The following STXBP5 variants were observed in gnomAD, a reference collection of about 807,000 sequenced individuals.
The protein encoded by STXBP5 is syntaxin binding protein 5, also known as syntaxin-binding protein 5.
In STXBP5, 50 loss-of-function variants were observed where a neutral mutation model predicts 152.4. The observed-to-expected ratio is 0.33, with a 90% confidence interval of 0.26 to 0.42. STXBP5 has a LOEUF of 0.42. STXBP5 is among the 10% of genes least tolerant of loss of function. STXBP5 has a pLI of 1.00. For missense variants in STXBP5, 1,167 were observed against 1,388.6 expected, an observed-to-expected ratio of 0.84 and a Z score of 2.54; for synonymous variants, 492 against 494.7, an observed-to-expected ratio of 0.99 and a Z score of 0.07.
At chr6:147,283,464 A>G (rs1268143504) in intron 8 of STXBP5, among the ~76,000 whole-genome samples, 1 of 152,178 alleles carries the variant, frequency 6.6e-6, no homozygotes, top group African/African-American at 2.4e-5. Context: ...CAAGACCATG[A>G]TTTAAAGGCG....
intron 9 of STXBP5, chr6:147,292,295 C>G (rs1285641671): frequency 2.2e-6 from 1 of 448,408 alleles, no homozygotes; most frequent in Non-Finnish European, 4.5e-6. Flanking sequence ...TAGCTATATT[C>G]CAACAATAGA....
intron 16 of STXBP5, among the ~76,000 whole-genome samples, chr6:147,320,579 G>GTGTGTGTT (rs1554297941): frequency 0.34 from 49,998 of 148,924 alleles, 9,176 homozygotes; most frequent in Admixed American, 0.42. Context: ...GTGTGTGTGT[G>GTGTGTGTT]TGTGTGTGTG....
intron 16 of STXBP5, among the ~76,000 whole-genome samples, chr6:147,317,259 A>G (rs1289353571): frequency 1.3e-5 from 2 of 152,216 alleles, no homozygotes; most frequent in African/African-American, 2.4e-5. Context: ...ACTGGTAGAT[A>G]AATAATTTCT....
rs184704072 is a variant in STXBP5, at chr6:147,266,963, G to T, written c.631-121G>T. The T allele has an allele frequency of 3.5e-5, 28 of 811,216 alleles. No homozygotes were observed. In the Admixed American group the frequency reaches 4.8e-4, roughly 14 times the overall value. 50.3% of individuals were successfully genotyped at this position (811,216 alleles called of 1,614,324 possible). ...TTACTAATTAGCAATGCAGATGTTT[G>T]TTTATATTATACATTTATACTCAAC... On this transcript the variant is annotated intron_variant, in intron 6 of 27. Transcript: ENST00000321680.
At chr6:147,383,580 A>G (rs1446552590) in intron 27 of STXBP5, among the ~76,000 whole-genome samples, 1 of 152,064 alleles carries the variant, frequency 6.6e-6, no homozygotes, top group Non-Finnish European at 1.5e-5. Context: ...AAAAAGCTGA[A>G]TTTAAAAGCC....
At chr6:147,228,971 A>G (rs1777865796) in intron 2 of STXBP5, among the ~76,000 whole-genome samples, 1 of 152,156 alleles carries the variant, frequency 6.6e-6, no homozygotes, top group Non-Finnish European at 1.5e-5. Context: ...TTATTTGTTT[A>G]CAAGAATATT....
rs1562405381 is a variant in STXBP5 at position 147,204,635 on chromosome 6, C to G, written c.103C>G (p.Pro35Ala). ...QQQHPPGNRE[P>A]EIQETLQSEH... is the part of the protein sequence containing the mutation. ...GCAGCATCCGCCTGGGAACCGGGAG[C>G]CGGAGATCCAGGAAACGCTCCAGTC... The change falls in exon 1 of 28, where the codon CCG becomes GCG. Residue 35 changes from proline to alanine, a missense_variant. Physicochemically the swap from Pro to Ala is conservative, Grantham distance 27 (BLOSUM62 -1). Around this residue, in one of 3 missense-constraint regions of STXBP5, gnomAD observed 310 missense variants for 346.1 expected, o/e 0.90. Transcript: ENST00000321680. This position sits in a 1 kb window ranked among gnomAD's most constrained non-coding sequence, Gnocchi z 4.3. 1 of 1,610,528 alleles carries G rather than the reference C, an allele frequency of 6.2e-7. No homozygotes were observed. Among genetic ancestry groups the G allele is most frequent in the Non-Finnish European group, 8.5e-7 (1 of 1,178,188 alleles).
At chr6:147,285,340 G>A (rs547558399) in intron 8 of STXBP5, among the ~76,000 whole-genome samples, 2 of 152,210 alleles carry the variant, frequency 1.3e-5, no homozygotes, top group African/African-American at 4.8e-5. Context: ...ATCATGGGTA[G>A]TACCTTATTA....
rs183305639 is a variant in STXBP5 at position 147,384,933 on chromosome 6, G to A, written c.*178G>A. The A allele has an allele frequency of 8.5e-5, 55 of 644,834 alleles. No homozygotes were observed. The highest frequency in any genetic ancestry group is 2.7e-4 in the Middle Eastern group (1 of 3,720). 39.9% of individuals were successfully genotyped at this position (644,834 alleles called of 1,614,324 possible). On this transcript the variant is annotated 3_prime_UTR_variant, in exon 28 of 28. Transcript: ENST00000321680. ...GGCTTTAACTGAGGAGTGTTCACAC[G>A]CACTCGAAATGGAGTATATGGTGTG...
In STXBP5 at chr6:147,216,410, A is replaced by G. The variant is rs1013947309; in HGVS notation, c.248+10342A>G. On this transcript the variant is annotated intron_variant, in intron 2 of 27. Coordinates refer to ENST00000321680, the MANE Select transcript of STXBP5 (RefSeq NM_001127715.4). ...CCATGTCAAAAACAAAAAACAAAAC[A>G]AAAAAATTCATAAGGCTCCCAGAAT... 5.3e-5 allele frequency among the ~76,000 whole-genome samples: 8 copies of G among 152,278 alleles called. No homozygotes were observed. The South Asian group carries it at 6.2e-4, about 12-fold the overall frequency.
chr6:147,325,158 A>G, intron 17 of STXBP5, 74 bp downstream of exon 17: 1 of 1,300,098 alleles, frequency 7.7e-7, no homozygotes, highest in Non-Finnish European at 1.0e-6. Context: ...AAAAATAGAA[A>G]GGATGGTCTT....
intron 2 of STXBP5, among the ~76,000 whole-genome samples, chr6:147,234,051 G>A (rs1237385658): frequency 6.6e-6 from 1 of 151,364 alleles, no homozygotes; most frequent in Admixed American, 6.6e-5. Flanking sequence ...GAAAGCCAAA[G>A]GAAGAAATCA....
intron 19 of STXBP5, among the ~76,000 whole-genome samples, chr6:147,338,019 A>G (rs1182869769): frequency 2.0e-5 from 3 of 152,102 alleles, no homozygotes; most frequent in African/African-American, 7.2e-5. Context: ...GTGGTGTCAA[A>G]TTTTGACCTG....
rs1486230237 is a variant in STXBP5 at position 147,257,469 on chromosome 6, A to G, written c.432-3146A>G. On this transcript the variant is annotated intron_variant, in intron 4 of 27. Coordinates refer to ENST00000321680, the MANE Select transcript of STXBP5 (RefSeq NM_001127715.4). ...TTTCAGTACAATTTTATGTTCTACTAATAGACACCAGCACTACAAAACTTA... is the reference window on the plus strand; with the variant it reads ...TTTCAGTACAATTTTATGTTCTACTGATAGACACCAGCACTACAAAACTTA... Among the ~76,000 whole-genome samples the G allele has an allele frequency of 3.3e-5, 5 of 152,102 alleles. No individual in the cohort carries two copies. The East Asian group carries it at 9.7e-4, about 29-fold the overall frequency.
chr6:147,328,401 A>C (rs1783383330), intron 18 of STXBP5, among the ~76,000 whole-genome samples: 1 of 152,184 alleles, frequency 6.6e-6, no homozygotes, highest in Non-Finnish European at 1.5e-5. Flanking sequence ...TGTACTTCCT[A>C]ACTCAGTCCC....
chr6:147,274,815 T>A (rs991387129), intron 7 of STXBP5, among the ~76,000 whole-genome samples: 1 of 152,064 alleles, frequency 6.6e-6, no homozygotes, highest in Non-Finnish European at 1.5e-5. Flanking sequence ...TTGAATAGAA[T>A]GTTAAAATAA....
intron 7 of STXBP5, among the ~76,000 whole-genome samples, chr6:147,276,673 C>T (rs1319678772): frequency 6.6e-6 from 1 of 152,038 alleles, no homozygotes; most frequent in Non-Finnish European, 1.5e-5. Context: ...AATAAGTTTA[C>T]TTGTAAAGGC....
chr6:147,211,113 C>G (rs1776825217), intron 2 of STXBP5, among the ~76,000 whole-genome samples: 1 of 152,062 alleles, frequency 6.6e-6, no homozygotes, highest in Non-Finnish European at 1.5e-5. Flanking sequence ...AGTTTGAGAA[C>G]AGCCTGACCA....
chr6:147,353,658 A>G (rs1784689904), intron 22 of STXBP5, among the ~76,000 whole-genome samples: 1 of 152,094 alleles, frequency 6.6e-6, no homozygotes, highest in African/African-American at 2.4e-5. Context: ...GCAATTTTAG[A>G]TTAATTTTTA....
Sources: allele counts gnomAD v4.1 joint callset (sites outside exome capture counted in the v4.1 genomes callset), GRCh38; gene constraint gnomAD v4.1.1; regional missense constraint gnomAD v4.1.1; non-coding constraint Gnocchi (gnomAD v3.1); transcripts MANE v1.5; gene names NCBI Gene and HGNC (gene_info 2026-07-23, HGNC 2026-07-21).